RNLS: variants seen among roughly 807,000 people sequenced by gnomAD.
RNLS encodes the protein renalase, FAD dependent amine oxidase, also known as renalase.
Under a neutral mutation model 39.8 loss-of-function variants are expected in RNLS, and 39 were observed. The ratio of observed to expected loss-of-function variants is 0.98; its 90% confidence interval spans 0.76 to 1.28. RNLS has a LOEUF of 1.28. RNLS is among the 50% of genes most tolerant of loss of function. RNLS has a pLI of 0.00. For synonymous variants in RNLS, 147 were observed against 150.7 expected (o/e 0.98, Z 0.18); for missense variants, 410 against 413.3 (o/e 0.99, Z 0.07).
the RNLS span, among the ~76,000 whole-genome samples, chr10:88,194,134 A>G: frequency 6.6e-6 from 1 of 152,196 alleles, no homozygotes; most frequent in East Asian, 1.9e-4. Flanking sequence ...AATTCTCTTC[A>G]AAGAACAGCT....
At chr10:88,308,066 GC>G (rs1437066305) in intron 6 of RNLS, among the ~76,000 whole-genome samples, 2 of 152,154 alleles carry the variant, frequency 1.3e-5, no homozygotes, top group Non-Finnish European at 2.9e-5. Flanking sequence ...GGGATAACTG[GC>G]TAGCCATATG....
intron 5 of RNLS, among the ~76,000 whole-genome samples, chr10:88,334,985 C>T (rs1473238386): frequency 6.6e-6 from 1 of 152,198 alleles, no homozygotes; most frequent in Non-Finnish European, 1.5e-5. Flanking sequence ...GATACCAACT[C>T]AGTCAAAATT....
intron 4 of RNLS, among the ~76,000 whole-genome samples, chr10:88,570,988 TG>T (rs1410021105): frequency 2.9e-4 from 36 of 125,228 alleles, no homozygotes; most frequent in African/African-American, 1.1e-3. Flanking sequence ...TTTTTTGGTT[TG>T]TTTTTTTTTT....
chr10:88,186,394 C>A, the RNLS span, among the ~76,000 whole-genome samples: 2 of 152,122 alleles, frequency 1.3e-5, no homozygotes, highest in African/African-American at 2.4e-5. Flanking sequence ...AGTACTCATG[C>A]CTCACCATTC....
intron 6 of RNLS, among the ~76,000 whole-genome samples, chr10:88,286,358 G>C (rs1323822810): frequency 2.0e-5 from 3 of 151,930 alleles, no homozygotes; most frequent in Non-Finnish European, 4.4e-5. Context: ...ATATCTGAAA[G>C]TATGAAAAAA....
chr10:88,530,868 G>A (rs12357364), intron 4 of RNLS, among the ~76,000 whole-genome samples: 28,901 of 151,918 alleles, frequency 0.19, 3,057 homozygotes, highest in Middle Eastern at 0.28. Flanking sequence ...CATGCCAAAC[G>A]AATGAACAAA....
chr10:88,204,882 G>A, the RNLS span, among the ~76,000 whole-genome samples: 1 of 152,112 alleles, frequency 6.6e-6, no homozygotes, highest in Non-Finnish European at 1.5e-5. Flanking sequence ...ATACAAAGAT[G>A]AGCAAGAAAG....
At chr10:88,326,152 G>C (rs1187822206) in intron 5 of RNLS, among the ~76,000 whole-genome samples, 1 of 152,222 alleles carries the variant, frequency 6.6e-6, no homozygotes, top group Non-Finnish European at 1.5e-5. Flanking sequence ...ACCTCAGAGA[G>C]TGGGGTATTG....
the RNLS span, among the ~76,000 whole-genome samples, chr10:88,203,294 A>C: frequency 1.7e-4 from 1 of 5,856 alleles, no homozygotes; most frequent in Non-Finnish European, 3.3e-4. Flanking sequence ...ATATATACGT[A>C]TGTATATATA....
intron 4 of RNLS, among the ~76,000 whole-genome samples, chr10:88,419,692 C>T (rs1854266870): frequency 6.6e-6 from 1 of 152,102 alleles, no homozygotes; most frequent in Non-Finnish European, 1.5e-5. Context: ...TTCCTTTCTG[C>T]TGCATAAAGA....
the RNLS span, among the ~76,000 whole-genome samples, chr10:88,234,738 G>A: frequency 1.3e-5 from 2 of 152,192 alleles, no homozygotes; most frequent in East Asian, 1.9e-4. Context: ...CAAAGAGACA[G>A]TAACAAAGCA....
At chr10:88,339,949 G>A (rs138267891) in intron 5 of RNLS, among the ~76,000 whole-genome samples, 95 of 152,298 alleles carry the variant, frequency 6.2e-4, no homozygotes, top group African/African-American at 2.1e-3. Context: ...TATACATTGT[G>A]TAAATGACAG....
chr10:88,225,180 A>T, the RNLS span, among the ~76,000 whole-genome samples: 3 of 152,236 alleles, frequency 2.0e-5, no homozygotes, highest in African/African-American at 7.2e-5. Flanking sequence ...CTACTATCTC[A>T]GTGATGAGAC....
chr10:88,515,459 C>G (rs972568203), intron 4 of RNLS, among the ~76,000 whole-genome samples: 2 of 152,030 alleles, frequency 1.3e-5, no homozygotes, highest in South Asian at 4.1e-4. Context: ...TTTCTCCTGA[C>G]TAATTGCTAC....
intron 5 of RNLS, among the ~76,000 whole-genome samples, chr10:88,337,075 A>T (rs1847559205): frequency 6.6e-6 from 1 of 152,164 alleles, no homozygotes; most frequent in South Asian, 2.1e-4. Flanking sequence ...GGGAGAAAAA[A>T]ATACATTGCC....
chr10:88,322,661 T>C (rs1564693574), intron 5 of RNLS, among the ~76,000 whole-genome samples: 1 of 152,190 alleles, frequency 6.6e-6, no homozygotes, highest in Non-Finnish European at 1.5e-5. Flanking sequence ...CTTTATAAAT[T>C]ATCTCTGGCA....
chr10:88,396,649 A>C (rs1756429860), intron 4 of RNLS, among the ~76,000 whole-genome samples: 1 of 151,364 alleles, frequency 6.6e-6, no homozygotes, highest in Non-Finnish European at 1.5e-5. Context: ...ATCAGGAATT[A>C]CATTAAATGT....
chr10:88,242,795 A>G, the RNLS span, among the ~76,000 whole-genome samples: 10 of 152,172 alleles, frequency 6.6e-5, no homozygotes, highest in Non-Finnish European at 1.2e-4. Context: ...TAAAAATACA[A>G]AATTAGCCAG....
intron 4 of RNLS, among the ~76,000 whole-genome samples, chr10:88,525,233 A>T (rs1226913903): frequency 6.6e-6 from 1 of 151,614 alleles, no homozygotes; most frequent in Non-Finnish European, 1.5e-5. Context: ...CTAATATGAA[A>T]TATATTCTAT....
Sources: gnomAD v4.1 joint callset for allele counts (sites outside exome capture counted in the v4.1 genomes callset) on GRCh38, gnomAD v4.1.1 for gene constraint, MANE v1.5 for transcripts, NCBI Gene and HGNC (gene_info 2026-07-23, HGNC 2026-07-21) for gene names.